The following TULP2 variants were observed in gnomAD, a reference collection of about 807,000 sequenced individuals.
TULP2 encodes the protein TUB like protein 2.
Under a neutral mutation model 60.3 loss-of-function variants are expected in TULP2, and 64 were observed. The observed-to-expected ratio is 1.06, with a 90% confidence interval of 0.87 to 1.31. TULP2 has a LOEUF of 1.31. TULP2 is among the 50% of genes most tolerant of loss of function. The probability of loss-of-function intolerance (pLI) is 0.00; values close to 1 mark genes in which losing one functional copy is unlikely to be tolerated. For missense variants in TULP2, 652 were observed against 667.0 expected (o/e 0.98, Z 0.25); for synonymous variants, 267 against 265.4 (o/e 1.01, Z -0.06).
Position 48,897,960 on chromosome 19 carries a change from T to TTTAC in TULP2, c.-1-92_-1-91insGTAA. On this transcript the variant is annotated intron_variant, in intron 1 of 12. Coordinates refer to ENST00000221399, the MANE Select transcript of TULP2 (RefSeq NM_003323.3). This position sits in a 1 kb window ranked among gnomAD's most constrained non-coding sequence, Gnocchi z 4.0. ...CCTAATCTTTAGCCTTATTTATTTA[T>TTTAC]TTATTTATTTATTTATTTATGTATT... 1 of 887,956 alleles carries TTTAC rather than the reference T, an allele frequency of 1.1e-6. No individual in the cohort carries two copies. Among genetic ancestry groups the TTTAC allele is most frequent in the South Asian group, 2.9e-5 (1 of 34,396 alleles). 55.0% of individuals were successfully genotyped at this position (887,956 alleles called of 1,614,324 possible). A position where few individuals can be genotyped will look rare whatever the true frequency, so the allele number is the denominator to read the frequency against.
intron 12 of TULP2, among the ~76,000 whole-genome samples, chr19:48,881,376 AT>A (rs72139613): frequency 0.18 from 16,207 of 90,476 alleles, 1,244 homozygotes; most frequent in African/African-American, 0.35. Flanking sequence ...CGTCCGGCTA[AT>A]TTTTTTTTTT....
At chr19:48,882,803 A>G (rs1307123436) in intron 11 of TULP2, among the ~76,000 whole-genome samples, 2 of 152,248 alleles carry the variant, frequency 1.3e-5, no homozygotes, top group African/African-American at 4.8e-5. Flanking sequence ...CGGTACAAGC[A>G]TGCCAGGGCA....
intron 8 of TULP2, among the ~76,000 whole-genome samples, chr19:48,886,616 G>T (rs766471989): frequency 3.9e-5 from 6 of 152,066 alleles, no homozygotes; most frequent in East Asian, 3.9e-4. Flanking sequence ...CAGGGTAAAG[G>T]CCAGAAAGAC....
chr19:48,897,956 T>TTTAC lies in TULP2; in HGVS notation c.-1-88_-1-87insGTAA. 1.2e-6 allele frequency: 1 copy of TTTAC among 830,684 alleles called. No individual in the cohort carries two copies. Among genetic ancestry groups the TTTAC allele is most frequent in the Admixed American group, 4.0e-5 (1 of 24,998 alleles). 51.5% of individuals were successfully genotyped at this position (830,684 alleles called of 1,614,324 possible). A position where few individuals can be genotyped will look rare whatever the true frequency, so the allele number is the denominator to read the frequency against. On this transcript the variant is annotated intron_variant, in intron 1 of 12. Transcript: ENST00000221399. The surrounding 1 kb of genome is among the most constrained non-coding windows in gnomAD (Gnocchi z 4.0). ...AGCACCTAATCTTTAGCCTTATTTA[T>TTTAC]TTATTTATTTATTTATTTATTTATG...
At chr19:48,895,321 G>A (rs780684129) in intron 5 of TULP2, 45 bp downstream of exon 5, 2 of 1,601,430 alleles carry the variant, frequency 1.2e-6, no homozygotes, top group Non-Finnish European at 1.7e-6. Flanking sequence ...GGTTTTAGTG[G>A]GGACGGAGTT....
At chr19:48,889,467 G>A in intron 7 of TULP2, 43 bp downstream of exon 7, 2 of 1,555,080 alleles carry the variant, frequency 1.3e-6, no homozygotes, top group Non-Finnish European at 1.8e-6. Flanking sequence ...TCCGAGGCTA[G>A]CCCTCTTCTT....
chr19:48,896,054 C>T (rs1024447680), intron 4 of TULP2, among the ~76,000 whole-genome samples: 1 of 152,210 alleles, frequency 6.6e-6, no homozygotes, highest in African/African-American at 2.4e-5. Flanking sequence ...CGCCCCGGAC[C>T]CCTAGACCCC....
rs370583232 is a variant in TULP2, at chr19:48,897,469, C to T, written c.33-73G>A. The T allele has an allele frequency of 2.0e-6, 3 of 1,500,296 alleles. No individual in the cohort carries two copies. Among genetic ancestry groups the T allele is most frequent in the Non-Finnish European group, 1.8e-6 (2 of 1,089,226 alleles). The allele number at this position is 1,500,296 out of a possible 1,614,324, so 92.9% of individuals were successfully genotyped here. A position where few individuals can be genotyped will look rare whatever the true frequency, so the allele number is the denominator to read the frequency against. On this transcript the variant is annotated intron_variant, in intron 2 of 12. Transcript: ENST00000221399. This position sits in a 1 kb window ranked among gnomAD's most constrained non-coding sequence, Gnocchi z 4.0. ...TGCCCAAGAGAGTCCCTCCTTCCCC[C>T]ATCCTGCCCCTATCTCAGCTTGGGT...
In TULP2 at chr19:48,895,501, G is replaced by A; in HGVS notation, c.214C>T (p.Leu72Phe). The change falls in exon 5 of 13, where the codon CTT becomes TTT. Residue 72 changes from leucine to phenylalanine, a missense_variant and splice_region_variant. Leu to Phe is a conservative substitution (Grantham distance 22). Coordinates refer to ENST00000221399, the MANE Select transcript of TULP2 (RefSeq NM_003323.3). ...REERLLGDRGLGNPFLRKKVS... is the reference protein window; with the variant it reads ...REERLLGDRGFGNPFLRKKVS... ...TTCTTCCGGAGGAAAGGGTTCCCAA[G>A]GCCTGGGAGAAGGTTCAGCGAGCCC... 6.2e-7 allele frequency: 1 copy of A among 1,604,086 alleles called. No individual in the cohort carries two copies. Among genetic ancestry groups the A allele is most frequent in the Non-Finnish European group, 8.5e-7 (1 of 1,172,690 alleles).
chr19:48,884,077 A>C (rs1384915866), intron 9 of TULP2, 31 bp from the exon 10 acceptor site: 2 of 1,573,358 alleles, frequency 1.3e-6, no homozygotes, highest in Non-Finnish European at 1.7e-6. Flanking sequence ...ATAGAATAAA[A>C]ATACTAAGTG....
In TULP2 at chr19:48,897,973, T is replaced by TTATG. The variant is rs1160208322; in HGVS notation, c.-1-105_-1-104insCATA. 3.1e-6 allele frequency: 3 copies of TTATG among 954,976 alleles called. No individual in the cohort carries two copies. The highest frequency in any genetic ancestry group is 4.2e-6 in the Non-Finnish European group (3 of 710,816). 59.2% of individuals were successfully genotyped at this position (954,976 alleles called of 1,614,324 possible). ...CTTATTTATTTATTTATTTATTTAT[T>TTATG]TATTTATGTATTTAGAGACAGCTGA... On this transcript the variant is annotated intron_variant, in intron 1 of 12. Coordinates refer to ENST00000221399, the MANE Select transcript of TULP2 (RefSeq NM_003323.3). This position sits in a 1 kb window ranked among gnomAD's most constrained non-coding sequence, Gnocchi z 4.0.
chr19:48,885,530 T>C lies in TULP2; in HGVS notation c.979A>G (p.Arg327Gly), dbSNP rs2037171834. The change falls in exon 9 of 13, where the codon AGG (arginine) becomes GGG (glycine). Residue 327 changes from arginine (R) to glycine (G), a missense_variant. Coordinates refer to ENST00000221399, the MANE Select transcript of TULP2 (RefSeq NM_003323.3). ...RFLLAGRKRR[R>G]SKTSNYLISL... is the part of the protein sequence containing the mutation. The stretch of plus-strand genomic sequence containing the variant: ...ATGAGGTAATTAGAAGTTTTGCTCC[T>C]TCTTCTCTTTCGCCCAGCCAGGAGG... 6.2e-7 allele frequency: 1 copy of C among 1,613,844 alleles called. No homozygotes were observed. The highest frequency in any genetic ancestry group is 1.3e-5 in the African/African-American group (1 of 74,900).
chr19:48,896,492 G>C lies in TULP2; in HGVS notation c.149C>G (p.Pro50Arg), dbSNP rs142561875. Reference sequence around the variant, plus strand: ...GCGCCAAAGCCACGGGGAAGCGTCAGGATTGGCCTGAACCATGAGGAGCTC... The same window carrying C: ...GCGCCAAAGCCACGGGGAAGCGTCACGATTGGCCTGAACCATGAGGAGCTC... ...RQELLMVQAN[P>R]DASPWLWRSC... Residue 50 changes from proline to arginine, a missense_variant, in exon 4 of 13, where the codon CCT becomes CGT. Transcript: ENST00000221399. The C allele has an allele frequency of 7.2e-4, 1,160 of 1,611,550 alleles. 10 individuals carry two copies. In the African/African-American group the frequency reaches 0.014, roughly 20 times the overall value.
rs1600034299 is a variant in TULP2, at chr19:48,897,246, A to C, written c.84+99T>G. On this transcript the variant is annotated intron_variant, in intron 3 of 12. Transcript: ENST00000221399. The surrounding 1 kb of genome is among the most constrained non-coding windows in gnomAD (Gnocchi z 4.0). ...AAAACTCAAGGATGAGAGACAGCCA[A>C]CACGGGCTGGGAGTCCTAGAGCAAG... 1.5e-6 allele frequency: 2 copies of C among 1,331,284 alleles called. No individual in the cohort carries two copies. Among genetic ancestry groups the C allele is most frequent in the Non-Finnish European group, 2.1e-6 (2 of 940,950 alleles). The allele number at this position is 1,331,284 out of a possible 1,614,324, so 82.5% of individuals were successfully genotyped here.
chr19:48,896,057 T>C (rs2037276035), intron 4 of TULP2, among the ~76,000 whole-genome samples: 1 of 151,870 alleles, frequency 6.6e-6, no homozygotes, highest in South Asian at 2.1e-4. Context: ...CCCGGACCCC[T>C]AGACCCCGTC....
intron 6 of TULP2, among the ~76,000 whole-genome samples, chr19:48,891,961 C>T (rs1388805921): frequency 6.6e-6 from 1 of 152,210 alleles, no homozygotes; most frequent in Non-Finnish European, 1.5e-5. Flanking sequence ...TTTACATAAA[C>T]ATCCCAGTGC....
Position 48,897,758 on chromosome 19 carries a change from G to C in TULP2, c.32+79C>G. 2 of 1,466,834 alleles carry C rather than the reference G, an allele frequency of 1.4e-6. No individual in the cohort carries two copies. Among genetic ancestry groups the C allele is most frequent in the Non-Finnish European group, 1.9e-6 (2 of 1,047,578 alleles). 90.9% of individuals were successfully genotyped at this position (1,466,834 alleles called of 1,614,324 possible). Reference sequence around the variant, plus strand: ...CCGATGGTGCTGAACCTGCAAACATGGTTATGAAGCCAGAGCCGAGTGCAC... The same window carrying C: ...CCGATGGTGCTGAACCTGCAAACATCGTTATGAAGCCAGAGCCGAGTGCAC... On this transcript the variant is annotated intron_variant, in intron 2 of 12. Coordinates refer to ENST00000221399, the MANE Select transcript of TULP2 (RefSeq NM_003323.3). The surrounding 1 kb of genome is among the most constrained non-coding windows in gnomAD (Gnocchi z 4.0).
chr19:48,892,208 T>G (rs1226071590), intron 6 of TULP2, among the ~76,000 whole-genome samples: 1 of 152,184 alleles, frequency 6.6e-6, no homozygotes, highest in Non-Finnish European at 1.5e-5. Context: ...GTCTTTCCCT[T>G]CCCACGAGGC....
intron 3 of TULP2, chr19:48,896,759 C>T (rs1026569895): frequency 1.5e-5 from 8 of 540,036 alleles, no homozygotes; most frequent in Non-Finnish European, 1.9e-5. Context: ...GTCCTGACAC[C>T]CTGTCCTCTC....
Sources: allele counts gnomAD v4.1 joint callset (sites outside exome capture counted in the v4.1 genomes callset), GRCh38; gene constraint gnomAD v4.1.1; non-coding constraint Gnocchi (gnomAD v3.1); transcripts MANE v1.5; gene names NCBI Gene and HGNC (gene_info 2026-07-23, HGNC 2026-07-21).